The following EDAR variants were observed in gnomAD, a reference collection of about 807,000 sequenced individuals.
EDAR encodes ectodysplasin A receptor.
EDAR carries 38 observed loss-of-function variants against 51.3 expected under a neutral mutation model. The observed-to-expected ratio is 0.74, with a 90% CI of 0.57 to 0.97. The LOEUF (loss-of-function observed/expected upper bound fraction) is 0.97. Ranked by LOEUF, EDAR falls within the 50% of genes least tolerant of loss-of-function variation. The pLI is 0.00. For missense variants in EDAR, 528 were observed against 595.0 expected, an observed-to-expected ratio of 0.89 and a Z score of 1.17; for synonymous variants, 227 against 242.1, an observed-to-expected ratio of 0.94 and a Z score of 0.58.
chr2:108,949,289 G>T (rs1310450640), intron 1 of EDAR, among the ~76,000 whole-genome samples: 1 of 152,110 alleles, frequency 6.6e-6, no homozygotes, highest in Non-Finnish European at 1.5e-5. Context: ...GCTAACATAG[G>T]CTATTTTTAA....
intron 11 of EDAR, 33 bp from the exon 12 acceptor site, chr2:108,897,262 C>G: frequency 6.3e-7 from 1 of 1,585,524 alleles, no homozygotes; most frequent in Non-Finnish European, 8.7e-7. Context: ...TTAGATGTTG[C>G]AAGTCACAGT....
intron 4 of EDAR, among the ~76,000 whole-genome samples, chr2:108,927,851 G>A (rs1409506978): frequency 6.6e-6 from 1 of 152,100 alleles, no homozygotes; most frequent in African/African-American, 2.4e-5. Context: ...GCTGACAAAT[G>A]GCACTATTTC....
chr2:108,929,039 C>T (rs143410028), intron 4 of EDAR, among the ~76,000 whole-genome samples, 159 bp downstream of exon 4: 23 of 152,318 alleles, frequency 1.5e-4, no homozygotes, highest in Non-Finnish European at 2.4e-4. Flanking sequence ...GACTCTCCGT[C>T]CTGGATGCTG....
intron 5 of EDAR, among the ~76,000 whole-genome samples, chr2:108,914,276 A>T (rs1464951767): frequency 6.6e-6 from 1 of 151,986 alleles, no homozygotes; most frequent in East Asian, 1.9e-4. Context: ...AAAATAAAAT[A>T]AAAATAAAAT....
At chr2:108,901,763 A>G (rs1263516983) in intron 11 of EDAR, among the ~76,000 whole-genome samples, 1 of 152,238 alleles carries the variant, frequency 6.6e-6, no homozygotes, top group African/African-American at 2.4e-5. Flanking sequence ...TATAAAATAG[A>G]TCATTTGAAC....
intron 1 of EDAR, among the ~76,000 whole-genome samples, chr2:108,963,935 C>T (rs576238895): frequency 3.3e-5 from 5 of 152,186 alleles, no homozygotes; most frequent in Non-Finnish European, 5.9e-5. Flanking sequence ...GAGCATGGGC[C>T]AATCCTGGAC....
intron 1 of EDAR, among the ~76,000 whole-genome samples, chr2:108,959,492 C>G (rs1238128905): frequency 6.6e-6 from 1 of 152,196 alleles, no homozygotes; most frequent in Non-Finnish European, 1.5e-5. Context: ...TCTTTCAATG[C>G]TTTGTTTCTC....
chr2:108,974,244 G>T (rs1698283506), intron 1 of EDAR, among the ~76,000 whole-genome samples: 1 of 141,732 alleles, frequency 7.1e-6, no homozygotes, highest in Non-Finnish European at 1.5e-5. Context: ...GCAGGAGAAT[G>T]GCATGAACCC....
intron 4 of EDAR, among the ~76,000 whole-genome samples, chr2:108,925,270 GTTC>G (rs1433830988): frequency 4.6e-5 from 7 of 152,220 alleles, no homozygotes; most frequent in African/African-American, 1.7e-4. Context: ...ATGACACCAA[GTTC>G]TTCTCCGTGG....
intron 5 of EDAR, among the ~76,000 whole-genome samples, chr2:108,916,019 A>T (rs1304921209): frequency 6.6e-6 from 1 of 152,200 alleles, no homozygotes; most frequent in Non-Finnish European, 1.5e-5. Flanking sequence ...ACCTTACTGA[A>T]GTTGCTCTGG....
chr2:108,983,285 G>A (rs1698445802), intron 1 of EDAR, among the ~76,000 whole-genome samples: 1 of 152,162 alleles, frequency 6.6e-6, no homozygotes, highest in South Asian at 2.1e-4. Context: ...AAATCTTAAA[G>A]AAAATGAACC....
chr2:108,981,194 C>A (rs1224504353), intron 1 of EDAR, among the ~76,000 whole-genome samples: 1 of 152,196 alleles, frequency 6.6e-6, no homozygotes, highest in Non-Finnish European at 1.5e-5. Context: ...CAATGATGAT[C>A]TGACGTTCCA....
chr2:108,964,960 T>A (rs1163712294), intron 1 of EDAR, among the ~76,000 whole-genome samples: 3 of 152,202 alleles, frequency 2.0e-5, no homozygotes, highest in Admixed American at 6.5e-5. Flanking sequence ...GCTTAACATT[T>A]AAATTTTTTT....
Position 108,906,288 on chromosome 2 carries a change from A to G in EDAR, c.1024+20T>C. The G allele has an allele frequency of 1.9e-6, 3 of 1,602,016 alleles. No homozygotes were observed. The highest frequency in any genetic ancestry group is 2.2e-5 in the East Asian group (1 of 44,766). On this transcript the variant is annotated intron_variant, in intron 11 of 11. Transcript: ENST00000258443. Reference sequence around the variant, plus strand: ...CGGTGGGGTGGGCACCACCTCTCCCAGGCTTTTTTTTCAGCTTACCTTCCA... The same window carrying G: ...CGGTGGGGTGGGCACCACCTCTCCCGGGCTTTTTTTTCAGCTTACCTTCCA...
chr2:108,950,089 C>T (rs982134745), intron 1 of EDAR, among the ~76,000 whole-genome samples: 17 of 152,142 alleles, frequency 1.1e-4, no homozygotes, highest in African/African-American at 3.6e-4. Context: ...CCAGGAGGGG[C>T]CTGCTGGCTG....
chr2:108,966,310 C>T (rs1293532878), intron 1 of EDAR, among the ~76,000 whole-genome samples: 2 of 152,212 alleles, frequency 1.3e-5, no homozygotes, highest in Admixed American at 6.5e-5. Flanking sequence ...TTGCAATTAA[C>T]ACATGAACTT....
intron 5 of EDAR, among the ~76,000 whole-genome samples, chr2:108,919,292 G>A (rs1309763019): frequency 3.3e-5 from 5 of 152,210 alleles, no homozygotes; most frequent in South Asian, 4.1e-4. Flanking sequence ...AGGGGACTTC[G>A]TCACTGATGA....
chr2:108,915,893 A>G (rs1463367556), intron 5 of EDAR, among the ~76,000 whole-genome samples: 2 of 151,926 alleles, frequency 1.3e-5, no homozygotes, highest in African/African-American at 4.8e-5. Context: ...GCGAAACTCC[A>G]TCTCAAAAAA....
chr2:108,977,785 C>A (rs1698350604), intron 1 of EDAR, among the ~76,000 whole-genome samples: 1 of 152,204 alleles, frequency 6.6e-6, no homozygotes, highest in African/African-American at 2.4e-5. Context: ...GGACCCACAG[C>A]CACCTCAGGA....
Sources: gnomAD v4.1 joint callset for allele counts (sites outside exome capture counted in the v4.1 genomes callset) on GRCh38, gnomAD v4.1.1 for gene constraint, MANE v1.5 for transcripts, NCBI Gene and HGNC (gene_info 2026-07-23, HGNC 2026-07-21) for gene names.